Variants in LAMA1 observed in about 807,000 individuals in gnomAD.
LAMA1 encodes the protein laminin subunit alpha 1.
LAMA1 carries 219 observed loss-of-function variants against 348.7 expected under a neutral mutation model. That is an observed-to-expected ratio of 0.63 (90% CI 0.56 to 0.70). The LOEUF is 0.70. Among genes scored for constraint, LAMA1 ranks in the 30% least tolerant of loss-of-function variants. The pLI is 0.00. For missense variants in LAMA1, 3,744 were observed against 3,888.0 expected (o/e 0.96, Z 0.99); for synonymous variants, 1,487 against 1,491.0 (o/e 1.00, Z 0.06).
intron 48 of LAMA1, among the ~76,000 whole-genome samples, chr18:6,967,549 T>C (rs1214348308): frequency 2.0e-5 from 3 of 152,220 alleles, no homozygotes; most frequent in African/African-American, 7.2e-5. Flanking sequence ...AAAACCTCTC[T>C]GGGAGGGCTG....
chr18:6,998,591 C>T (rs1199044297), intron 32 of LAMA1, among the ~76,000 whole-genome samples: 1 of 152,184 alleles, frequency 6.6e-6, no homozygotes, highest in Non-Finnish European at 1.5e-5. Flanking sequence ...TTATAACCCA[C>T]ACAAAAGTCA....
chr18:6,972,164 C>T (rs1216981948), intron 47 of LAMA1, 183 bp from the exon 48 acceptor site: 3 of 619,626 alleles, frequency 4.8e-6, no homozygotes, highest in East Asian at 6.0e-5. Context: ...AAGTGGAATC[C>T]TAGAATGAGT....
intron 1 of LAMA1, among the ~76,000 whole-genome samples, chr18:7,111,671 C>A (rs984991648): frequency 6.6e-6 from 1 of 152,110 alleles, no homozygotes; most frequent in African/African-American, 2.4e-5. Context: ...TTTTGCAATG[C>A]CTTGGTTTAT....
intron 19 of LAMA1, 32 bp downstream of exon 19, chr18:7,023,132 C>T (rs1568035272): frequency 6.3e-7 from 1 of 1,597,526 alleles, no homozygotes; most frequent in East Asian, 2.3e-5. Context: ...TGGCAATAAA[C>T]AGCTGACCTG....
chr18:7,088,321 T>C (rs1485291281), intron 1 of LAMA1, among the ~76,000 whole-genome samples: 2 of 152,116 alleles, frequency 1.3e-5, no homozygotes, highest in Non-Finnish European at 2.9e-5. Context: ...CTTATGCCCC[T>C]GTAAGTTAAC....
Position 6,946,249 on chromosome 18 carries a change from G to A in LAMA1, c.8844+914C>T, listed in dbSNP as rs1047627720. Among the ~76,000 whole-genome samples, 11 of 152,224 alleles carry A rather than the reference G, an allele frequency of 7.2e-5. No individual in the cohort carries two copies. The East Asian group carries it at 2.1e-3, about 29-fold the overall frequency. On this transcript the variant is annotated intron_variant, in intron 61 of 62. Coordinates refer to ENST00000389658, the MANE Select transcript of LAMA1 (RefSeq NM_005559.4). Reference sequence around the variant, plus strand: ...GATGACCTTCCCAAGATCAGGCTGAGTGTGAAAAGCTGATCTCATAAGGAT... The same window carrying A: ...GATGACCTTCCCAAGATCAGGCTGAATGTGAAAAGCTGATCTCATAAGGAT...
At position 7,011,324 on chromosome 18, in the gene LAMA1, C is replaced by A. The variant is rs764351708; in HGVS notation, c.3663G>T (p.Leu1221=). Reference sequence around the variant, plus strand: ...CCTGGTCTCCTTGGAACTGCTGCGGCAGCCGCCAGTAAAACGGCTCTGCAC... The same window carrying A: ...CCTGGTCTCCTTGGAACTGCTGCGGAAGCCGCCAGTAAAACGGCTCTGCAC... The part of the protein sequence containing the change: ...HIRAEPFYWR[L]PQQFQGDQLM... The change falls in exon 25 of 63, where the codon CTG becomes CTT. Residue 1221 remains leucine, a synonymous_variant. Coordinates refer to ENST00000389658, the MANE Select transcript of LAMA1 (RefSeq NM_005559.4). The A allele has an allele frequency of 6.2e-7, 1 of 1,608,258 alleles. No individual in the cohort carries two copies. Among genetic ancestry groups the A allele is most frequent in the Non-Finnish European group, 8.5e-7 (1 of 1,178,250 alleles).
intron 1 of LAMA1, among the ~76,000 whole-genome samples, chr18:7,108,671 A>G (rs911423294): frequency 7.2e-6 from 1 of 138,472 alleles, no homozygotes; most frequent in South Asian, 2.4e-4. Flanking sequence ...AAAAAAAGCT[A>G]ACTCCCTTTT....
At chr18:6,983,023 C>A (rs1306700364) in intron 40 of LAMA1, 76 bp downstream of exon 40, 7 of 1,567,454 alleles carry the variant, frequency 4.5e-6, no homozygotes, top group Non-Finnish European at 6.2e-6. Context: ...AAATTGGGGC[C>A]ACTGAATCTC....
At chr18:7,077,398 G>A (rs1033567026) in intron 3 of LAMA1, among the ~76,000 whole-genome samples, 11 of 151,716 alleles carry the variant, frequency 7.3e-5, no homozygotes, top group African/African-American at 2.7e-4. Flanking sequence ...GTAGAGACGG[G>A]ATTTCACTGT....
In LAMA1 at chr18:6,955,478, C is replaced by T. The variant is rs2057571427; in HGVS notation, c.8095-13G>A. 1 of 1,598,738 alleles carries T rather than the reference C, an allele frequency of 6.3e-7. No homozygotes were observed. The highest frequency in any genetic ancestry group is 8.6e-7 in the Non-Finnish European group (1 of 1,166,126). ...CCACACACTGTTCCTGTAAGAGACA[C>T]ACAGGGACACTCAGCCGCCACCCGC... is the stretch of plus-strand genomic sequence containing the variant. On this transcript the variant is annotated splice_polypyrimidine_tract_variant and intron_variant, in intron 56 of 62. Coordinates refer to ENST00000389658, the MANE Select transcript of LAMA1 (RefSeq NM_005559.4).
At chr18:7,007,542 T>C (rs2057838233) in intron 28 of LAMA1, among the ~76,000 whole-genome samples, 1 of 149,288 alleles carries the variant, frequency 6.7e-6, no homozygotes, top group African/African-American at 2.5e-5. Flanking sequence ...GAATGGAAAA[T>C]GGCACAGGAA....
intron 3 of LAMA1, among the ~76,000 whole-genome samples, chr18:7,054,545 G>T (rs1015024402): frequency 7.9e-5 from 12 of 152,320 alleles, no homozygotes; most frequent in Admixed American, 7.8e-4. Flanking sequence ...GGATGGATAT[G>T]GGTGATTTGT....
rs2057844270 is a variant in LAMA1, at chr18:7,008,589, C to G, written c.4021G>C (p.Glu1341Gln). The G allele has an allele frequency of 6.2e-7, 1 of 1,613,898 alleles. No individual in the cohort carries two copies. The highest frequency in any genetic ancestry group is 8.5e-7 in the Non-Finnish European group (1 of 1,179,986). ...QQSRISDISMEVGRKAEKLHP... is the reference protein window; with the variant it reads ...QQSRISDISMQVGRKAEKLHP... ...AGCTTTTCAGCCTTTCTGCCAACCT[C>G]CATTGAAATGTCTGAGATTCTGTGC... Residue 1341 changes from glutamate (E) to glutamine (Q), a missense_variant, in exon 28 of 63, where the codon GAG becomes CAG. By Grantham distance (29) the Glu-to-Gln change is conservative (BLOSUM62 2). Around this residue, in one of 3 missense-constraint regions of LAMA1, gnomAD observed 1,983 missense variants for 1,934.3 expected, o/e 1.03. Coordinates refer to ENST00000389658, the MANE Select transcript of LAMA1 (RefSeq NM_005559.4).
chr18:7,008,986 T>C (rs1022948146), intron 27 of LAMA1, among the ~76,000 whole-genome samples: 1 of 152,224 alleles, frequency 6.6e-6, no homozygotes, highest in Admixed American at 6.5e-5. Context: ...ATTGTTTTTT[T>C]TGCATTTTAT....
rs1295290177 is a variant in LAMA1, at chr18:6,950,821, G to C, written c.8358C>G (p.Val2786=). 6.2e-7 allele frequency: 1 copy of C among 1,614,020 alleles called. No individual in the cohort carries two copies. The highest frequency in any genetic ancestry group is 1.3e-5 in the African/African-American group (1 of 74,924). ...MFDLGKGRTK[V]SHPALLSDGK... is the part of the protein sequence containing the mutation. ...CATCACTGAGCAGTGCAGGGTGAGA[G>C]ACCTTTGTTCTGCCTTTGCCAAGGT... The change falls in exon 58 of 63, where the codon GTC becomes GTG. Residue 2786 remains valine (V), a synonymous_variant. Coordinates refer to ENST00000389658, the MANE Select transcript of LAMA1 (RefSeq NM_005559.4).
At chr18:6,976,155 T>G (rs2057681295) in intron 44 of LAMA1, 75 bp from the exon 45 acceptor site, 1 of 1,448,304 alleles carries the variant, frequency 6.9e-7, no homozygotes. Flanking sequence ...TCAACAATGC[T>G]ATTCTGTAAT....
Position 6,959,348 on chromosome 18 carries a change from T to C in LAMA1, c.7771A>G (p.Asn2591Asp). ...CTGGCCGCGTGCAAGTACCTCCGAT[T>C]CCTGACCAAGGAGATGGAATGCGCT... Reference protein sequence around the residue: ...GQAHSISLVRNRRIITVQLDE... With the variant: ...GQAHSISLVRDRRIITVQLDE... The change falls in exon 54 of 63, where the codon AAT becomes GAT. Residue 2591 changes from asparagine to aspartate, a missense_variant. Asn to Asp is a conservative substitution (Grantham distance 23). Around this residue, in one of 3 missense-constraint regions of LAMA1, gnomAD observed 1,983 missense variants for 1,934.3 expected, o/e 1.03. Coordinates refer to ENST00000389658, the MANE Select transcript of LAMA1 (RefSeq NM_005559.4). 1 of 1,614,064 alleles carries C rather than the reference T, an allele frequency of 6.2e-7. No homozygotes were observed. Among genetic ancestry groups the C allele is most frequent in the South Asian group, 1.1e-5 (1 of 91,078 alleles).
Position 6,943,208 on chromosome 18 carries a change from G to T in LAMA1, c.9039C>A (p.Asn3013Lys). ...PHTQSTSVDT[N>K]NPIYVGGYPA... is the part of the protein sequence containing the mutation. ...GATAGCCACCAACATAAATGGGATT[G>T]TTGGTGTCCACTGAGGTAGACTGGG... Residue 3013 changes from asparagine to lysine, a missense_variant, in exon 62 of 63, where the codon AAC becomes AAA. Asn to Lys is a moderately conservative substitution (Grantham distance 94). Coordinates refer to ENST00000389658, the MANE Select transcript of LAMA1 (RefSeq NM_005559.4). 1.2e-6 allele frequency: 2 copies of T among 1,614,204 alleles called. No homozygotes were observed. Among genetic ancestry groups the T allele is most frequent in the Non-Finnish European group, 1.7e-6 (2 of 1,180,026 alleles).
Sources: gnomAD v4.1 joint callset for allele counts (sites outside exome capture counted in the v4.1 genomes callset) on GRCh38, gnomAD v4.1.1 for gene constraint, gnomAD v4.1.1 regional missense constraint, MANE v1.5 for transcripts, NCBI Gene and HGNC (gene_info 2026-07-23, HGNC 2026-07-21) for gene names.